The following MYO9A variants were observed in gnomAD, a reference collection of about 807,000 sequenced individuals.
The protein encoded by MYO9A is unconventional myosin-IXa.
Under a neutral mutation model 293.3 loss-of-function variants are expected in MYO9A, and 103 were observed. The observed-to-expected ratio is 0.35, with a 90% CI of 0.30 to 0.41. The LOEUF is 0.41. Ranked by LOEUF, MYO9A falls within the 10% of genes least tolerant of loss-of-function variation. MYO9A has a pLI of 1.00. For synonymous variants in MYO9A, 1,001 were observed against 1,035.7 expected (o/e 0.97, Z 0.64); for missense variants, 2,685 against 3,033.0 (o/e 0.89, Z 2.69).
At chr15:71,915,667 C>G (rs1227289961) in intron 19 of MYO9A, among the ~76,000 whole-genome samples, 6 of 152,022 alleles carry the variant, frequency 3.9e-5, no homozygotes, top group African/African-American at 1.4e-4. Context: ...TACAGATACA[C>G]CTATCATGAA....
At chr15:71,934,786 CTTTTTTTTT>C (rs1167613386) in intron 17 of MYO9A, among the ~76,000 whole-genome samples, 69 of 61,804 alleles carry the variant, frequency 1.1e-3, no homozygotes, top group East Asian at 7.3e-3. Context: ...CTTTTCTTTT[CTTTTTTTTT>C]TTTTTTTTTT....
Position 72,101,007 on chromosome 15 carries a change from G to C in MYO9A, c.-72+16673C>G, listed in dbSNP as rs1283482923. Among the ~76,000 whole-genome samples the C allele has an allele frequency of 1.9e-3, 253 of 134,236 alleles. 8 individuals carry two copies. The highest frequency in any genetic ancestry group is 6.5e-3 in the African/African-American group (235 of 36,368). The allele number at this position is 134,236 out of a possible 152,430, so 88.1% of individuals were successfully genotyped here. A position where few individuals can be genotyped will look rare whatever the true frequency, so the allele number is the denominator to read the frequency against. Reference sequence around the variant, plus strand: ...CCCCGCCTGGCCAGCCGCCCCGTCCGGGAGGGAGGTAGGCGGGTCAGCCCC... The same window carrying C: ...CCCCGCCTGGCCAGCCGCCCCGTCCCGGAGGGAGGTAGGCGGGTCAGCCCC... On this transcript the variant is annotated intron_variant, in intron 1 of 41. Coordinates refer to ENST00000356056, the MANE Select transcript of MYO9A (RefSeq NM_006901.4).
At chr15:71,976,541 C>T (rs1166073295) in intron 12 of MYO9A, among the ~76,000 whole-genome samples, 2 of 152,132 alleles carry the variant, frequency 1.3e-5, no homozygotes, top group African/African-American at 4.8e-5. Flanking sequence ...CTAATCATTC[C>T]ATTATCAACC....
chr15:71,994,923 G>T (rs1420491202), intron 9 of MYO9A, among the ~76,000 whole-genome samples: 2 of 152,078 alleles, frequency 1.3e-5, no homozygotes, highest in East Asian at 3.8e-4. Flanking sequence ...GTAGAAACGG[G>T]GTTTCTCCAT....
chr15:71,991,486 G>A (rs1198121657), intron 10 of MYO9A, among the ~76,000 whole-genome samples: 1 of 152,088 alleles, frequency 6.6e-6, no homozygotes, highest in African/African-American at 2.4e-5. Context: ...AATATGTGAA[G>A]CAAGGTTAGT....
In MYO9A at chr15:72,098,244, G is replaced by A. The variant is rs555297737; in HGVS notation, c.-72+19436C>T. Among the ~76,000 whole-genome samples, 11 of 151,428 alleles carry A rather than the reference G, an allele frequency of 7.3e-5. No homozygotes were observed. The South Asian group carries it at 2.3e-3, about 32-fold the overall frequency. On this transcript the variant is annotated intron_variant, in intron 1 of 41. Coordinates refer to ENST00000356056, the MANE Select transcript of MYO9A (RefSeq NM_006901.4). ...TCTATCTGGTATGCTCTCTCTCTCA[G>A]GAATTCCACTGACCATGCCCTGACA...
At chr15:72,053,462 C>G (rs535156917) in intron 1 of MYO9A, among the ~76,000 whole-genome samples, 2 of 151,996 alleles carry the variant, frequency 1.3e-5, no homozygotes, top group Admixed American at 6.6e-5. Context: ...ATATACACCA[C>G]GGAATACTAT....
chr15:71,956,540 C>T (rs2059198082), intron 14 of MYO9A, among the ~76,000 whole-genome samples: 1 of 149,362 alleles, frequency 6.7e-6, no homozygotes, highest in African/African-American at 2.4e-5. Context: ...CAGCTACTAG[C>T]GAGGCTGAGG....
At chr15:72,065,866 C>A (rs1373718193) in intron 1 of MYO9A, among the ~76,000 whole-genome samples, 1 of 152,176 alleles carries the variant, frequency 6.6e-6, no homozygotes, top group African/African-American at 2.4e-5. Context: ...TGTAGTAGCT[C>A]ATTGTTCAAA....
intron 29 of MYO9A, among the ~76,000 whole-genome samples, 162 bp from the exon 30 acceptor site, chr15:71,879,999 T>C (rs143307273): frequency 0.013 from 1,929 of 152,344 alleles, 58 homozygotes; most frequent in Admixed American, 0.058. Flanking sequence ...AGTCAAACTA[T>C]AATTACTACT....
rs377474158 is a variant in MYO9A at position 71,910,168 on chromosome 15, G to GTATATATATATATA, written c.2686-5176_2686-5163dup. ...CGTGTGTGTGTATATATATATACGT[G>GTATATATATATATA]TATATATATATATAAAATCAGAAAC... On this transcript the variant is annotated intron_variant, in intron 19 of 41. Coordinates refer to ENST00000356056, the MANE Select transcript of MYO9A (RefSeq NM_006901.4). Among the ~76,000 whole-genome samples, 171 of 128,308 alleles carry GTATATATATATATA rather than the reference G, an allele frequency of 1.3e-3. 3 individuals carry two copies. The highest frequency in any genetic ancestry group is 8.1e-3 in the Middle Eastern group (2 of 246). The allele number at this position is 128,308 out of a possible 152,430, so 84.2% of individuals were successfully genotyped here.
chr15:71,870,987 AG>A (rs1437443667), intron 32 of MYO9A, among the ~76,000 whole-genome samples: 1 of 152,244 alleles, frequency 6.6e-6, no homozygotes, highest in African/African-American at 2.4e-5. Flanking sequence ...AAAGAAAAAA[AG>A]CATCATCCCT....
At chr15:72,065,269 A>G (rs566005226) in intron 1 of MYO9A, among the ~76,000 whole-genome samples, 10 of 152,176 alleles carry the variant, frequency 6.6e-5, no homozygotes, top group Non-Finnish European at 1.2e-4. Flanking sequence ...TAATCCCAGC[A>G]CTTTGGGAGG....
At chr15:72,109,997 A>AT (rs1261943835) in intron 1 of MYO9A, among the ~76,000 whole-genome samples, 2 of 151,444 alleles carry the variant, frequency 1.3e-5, no homozygotes, top group African/African-American at 2.4e-5. Context: ...ATTAAAAAAA[A>AT]AAAAAAAATC....
intron 39 of MYO9A, among the ~76,000 whole-genome samples, chr15:71,843,884 A>G (rs1443784590): frequency 3.9e-5 from 6 of 152,224 alleles, no homozygotes; most frequent in Admixed American, 3.3e-4. Flanking sequence ...AATATAAGAT[A>G]TAAAGCACCA....
chr15:71,952,434 T>A (rs142471808), intron 14 of MYO9A, among the ~76,000 whole-genome samples: 1 of 152,194 alleles, frequency 6.6e-6, no homozygotes, highest in Non-Finnish European at 1.5e-5. Flanking sequence ...TCTGTACTTA[T>A]AAATTTGAAA....
At chr15:72,108,270 T>C (rs1023454941) in intron 1 of MYO9A, among the ~76,000 whole-genome samples, 7 of 152,210 alleles carry the variant, frequency 4.6e-5, no homozygotes, top group Non-Finnish European at 1.0e-4. Context: ...CAGCTGACAT[T>C]ATGTGCCTCC....
chr15:72,037,848 C>G (rs1297892431), intron 2 of MYO9A, among the ~76,000 whole-genome samples: 1 of 151,070 alleles, frequency 6.6e-6, no homozygotes, highest in Admixed American at 6.6e-5. Context: ...TGAAAAATAG[C>G]ACTAAACAGC....
At chr15:71,978,349 T>C (rs2076194126) in intron 11 of MYO9A, 57 bp from the exon 12 acceptor site, 4 of 1,437,440 alleles carry the variant, frequency 2.8e-6, no homozygotes, top group South Asian at 1.3e-5. Context: ...AATAGGTATA[T>C]AATATAGATT....
Sources: allele counts gnomAD v4.1 joint callset (sites outside exome capture counted in the v4.1 genomes callset), GRCh38; gene constraint gnomAD v4.1.1; transcripts MANE v1.5; gene names NCBI Gene and HGNC (gene_info 2026-07-23, HGNC 2026-07-21).